CALD1: variants seen among roughly 807,000 people sequenced by gnomAD.
CALD1 encodes the protein caldesmon 1.
A neutral mutation model predicts 99.9 loss-of-function variants in CALD1; 33 were observed. The ratio of observed to expected loss-of-function variants is 0.33; its 90% confidence interval spans 0.25 to 0.44. CALD1 has a LOEUF of 0.44. CALD1 is among the 20% of genes least tolerant of loss of function. The pLI, the probability that CALD1 is intolerant of heterozygous loss-of-function variation, is 1.00. For missense variants in CALD1, 861 were observed against 962.1 expected (o/e 0.89, Z 1.39); for synonymous variants, 310 against 325.0 (o/e 0.95, Z 0.50).
Position 134,958,465 on chromosome 7 carries a change from C to T in CALD1, c.2061+175C>T, listed in dbSNP as rs1457710593. 1.4e-5 allele frequency among the ~76,000 whole-genome samples: 2 copies of T among 143,104 alleles called. 1 individual carries two copies. The highest frequency in any genetic ancestry group is 3.0e-5 in the Non-Finnish European group (2 of 67,082). 93.9% of individuals were successfully genotyped at this position (143,104 alleles called of 152,430 possible). A position where few individuals can be genotyped will look rare whatever the true frequency, so the allele number is the denominator to read the frequency against. On this transcript the variant is annotated intron_variant, in intron 11 of 14. Transcript: ENST00000361675. ...TCACTCTGTTGCCCAGGCTGGAGTG[C>T]AATGGCAATCTCAGCTCACTGCAAC...
chr7:134,960,277 G>A, intron 12 of CALD1, 166 bp downstream of exon 12: 1 of 774,370 alleles, frequency 1.3e-6, no homozygotes. Flanking sequence ...ATGTGTTTGT[G>A]AGGTTGCATG....
At chr7:134,732,453 G>A in the CALD1 span, among the ~76,000 whole-genome samples, 47,110 of 152,040 alleles carry the variant, frequency 0.31, 8,063 homozygotes, top group East Asian at 0.6. Flanking sequence ...AATAGGATCT[G>A]TGCCCTTATA....
chr7:134,784,782 T>C (rs1484620896), intron 1 of CALD1, among the ~76,000 whole-genome samples: 1 of 152,052 alleles, frequency 6.6e-6, no homozygotes, highest in Non-Finnish European at 1.5e-5. Flanking sequence ...TCAAGGTGGG[T>C]GAGAGGATCC....
At chr7:134,952,284 GA>G (rs1362991085) in intron 9 of CALD1, among the ~76,000 whole-genome samples, 6 of 151,916 alleles carry the variant, frequency 3.9e-5, no homozygotes, top group Non-Finnish European at 8.8e-5. Context: ...CTGTGTGACA[GA>G]ATGAGACCCT....
At chr7:134,890,534 C>G (rs1460919672) in intron 3 of CALD1, among the ~76,000 whole-genome samples, 1 of 152,160 alleles carries the variant, frequency 6.6e-6, no homozygotes, top group Non-Finnish European at 1.5e-5. Flanking sequence ...TTTGTTCTCA[C>G]TTGACAGAAA....
intron 1 of CALD1, among the ~76,000 whole-genome samples, chr7:134,832,284 G>A (rs1799262330): frequency 6.6e-6 from 1 of 152,146 alleles, no homozygotes; most frequent in Admixed American, 6.5e-5. Context: ...TCAGGAGATT[G>A]TCTCTTTCTG....
At chr7:134,963,493 T>C (rs74840469) in intron 13 of CALD1, among the ~76,000 whole-genome samples, 1 of 152,350 alleles carries the variant, frequency 6.6e-6, no homozygotes, top group African/African-American at 2.4e-5. Flanking sequence ...GTAAATGCAA[T>C]TGCTGTTAGC....
chr7:134,857,864 CTTGTCCTTCACATACAAAA>C (rs1800383406), intron 2 of CALD1, among the ~76,000 whole-genome samples: 1 of 152,158 alleles, frequency 6.6e-6, no homozygotes, highest in Non-Finnish European at 1.5e-5. Context: ...TCAGTAACAG[CTTGTCCTTCACATACAAAA>C]ATACTGCTAT....
intron 1 of CALD1, among the ~76,000 whole-genome samples, chr7:134,750,441 A>C (rs1255657016): frequency 6.6e-6 from 1 of 152,198 alleles, no homozygotes; most frequent in African/African-American, 2.4e-5. Context: ...TTTCTTTCCT[A>C]GTAGAACCAT....
chr7:134,954,328 C>G (rs543188397), intron 9 of CALD1, among the ~76,000 whole-genome samples: 1 of 152,082 alleles, frequency 6.6e-6, no homozygotes, highest in Non-Finnish European at 1.5e-5. Context: ...TGTGGAGTAA[C>G]GAGAGCACCA....
At position 134,867,819 on chromosome 7, in the gene CALD1, T is replaced by A. The variant is rs754293670; in HGVS notation, c.71+15T>A. ...GAAGCAGAAAGGTAAGGATCTAGGG[T>A]GAAAAATACTTGTATTCCCTTATTA... is the stretch of plus-strand genomic sequence containing the variant. On this transcript the variant is annotated intron_variant, in intron 3 of 14. Coordinates refer to ENST00000361675, the MANE Select transcript of CALD1 (RefSeq NM_033138.4). 1 of 1,535,272 alleles carries A rather than the reference T, an allele frequency of 6.5e-7. No individual in the cohort carries two copies. Among genetic ancestry groups the A allele is most frequent in the Non-Finnish European group, 9.0e-7 (1 of 1,115,398 alleles).
intron 9 of CALD1, among the ~76,000 whole-genome samples, chr7:134,952,166 T>C (rs558520699): frequency 6.6e-6 from 1 of 152,066 alleles, no homozygotes; most frequent in Admixed American, 6.5e-5. Context: ...CCAGGTGTGA[T>C]GGCGCACACC....
intron 4 of CALD1, among the ~76,000 whole-genome samples, chr7:134,930,440 A>C (rs559922645): frequency 6.6e-6 from 1 of 152,268 alleles, no homozygotes; most frequent in African/African-American, 2.4e-5. Flanking sequence ...TTTTGGTTTT[A>C]GTTTGTTTTG....
At chr7:134,726,492 T>G in the CALD1 span, among the ~76,000 whole-genome samples, 921 of 140,334 alleles carry the variant, frequency 6.6e-3, 43 homozygotes, top group African/African-American at 0.023. Context: ...ATATATTATA[T>G]AGCTTTAGAT....
At chr7:134,739,389 T>C (rs543117536), upstream of CALD1, among the ~76,000 whole-genome samples, 35 of 152,342 alleles carry the variant, frequency 2.3e-4, 1 homozygote, top group South Asian at 6.2e-4. Context: ...CAACCCCCTA[T>C]ACTGTCAGGT....
chr7:134,960,293 C>T, intron 12 of CALD1, 182 bp downstream of exon 12: 1 of 739,716 alleles, frequency 1.4e-6, no homozygotes, highest in Non-Finnish European at 2.2e-6. Flanking sequence ...GCATGAGGTA[C>T]TAAGCCCGGG....
intron 1 of CALD1, among the ~76,000 whole-genome samples, chr7:134,767,994 T>A (rs933976101): frequency 7.9e-5 from 12 of 152,134 alleles, no homozygotes; most frequent in Non-Finnish European, 5.9e-5. Context: ...TGGGAGAAAT[T>A]TCTGGAAACT....
chr7:134,891,640 C>T, intron 3 of CALD1: 2 of 1,609,120 alleles, frequency 1.2e-6, no homozygotes, highest in Non-Finnish European at 8.5e-7. Flanking sequence ...GGATCCGGAT[C>T]GCATGGAAGA....
chr7:134,902,683 A>T (rs1246774865), intron 3 of CALD1, among the ~76,000 whole-genome samples: 1 of 152,176 alleles, frequency 6.6e-6, no homozygotes, highest in African/African-American at 2.4e-5. Flanking sequence ...TTTACAACCT[A>T]CAACAGAAGG....
Sources: allele counts gnomAD v4.1 joint callset (sites outside exome capture counted in the v4.1 genomes callset), GRCh38; gene constraint gnomAD v4.1.1; transcripts MANE v1.5; gene names NCBI Gene and HGNC (gene_info 2026-07-23, HGNC 2026-07-21).